The following PYGO1 variants were observed in gnomAD, a reference collection of about 807,000 sequenced individuals.
PYGO1 encodes pygopus homolog 1.
A neutral mutation model predicts 29.5 loss-of-function variants in PYGO1; 6 were observed. The observed-to-expected ratio is 0.20, with a 90% CI of 0.11 to 0.40. PYGO1 has a LOEUF of 0.40. Ranked by LOEUF, PYGO1 falls within the 10% of genes least tolerant of loss-of-function variation. The probability of loss-of-function intolerance (pLI) is 1.00; values close to 1 mark genes in which losing one functional copy is unlikely to be tolerated. For synonymous variants in PYGO1, 186 were observed against 180.5 expected (o/e 1.03, Z -0.24); for missense variants, 515 against 514.9 (o/e 1.00, Z 0.00).
intron 1 of PYGO1, among the ~76,000 whole-genome samples, chr15:55,572,192 C>A (rs1490945550): frequency 6.6e-6 from 1 of 152,106 alleles, no homozygotes; most frequent in Non-Finnish European, 1.5e-5. Flanking sequence ...GTAATACGGG[C>A]ATAAAAACAC....
intron 1 of PYGO1, among the ~76,000 whole-genome samples, chr15:55,562,789 T>C (rs1376304991): frequency 1.1e-4 from 16 of 152,056 alleles, no homozygotes; most frequent in Admixed American, 1.0e-3. Flanking sequence ...ATATACACCA[T>C]GGAATACTAT....
At chr15:55,588,923 C>T, upstream of PYGO1, 1 of 1,390,450 alleles carries the variant, frequency 7.2e-7, no homozygotes, top group Non-Finnish European at 1.0e-6. Context: ...AGAATGCCTC[C>T]ACTTGGTATT....
In PYGO1 at chr15:55,546,559, T is replaced by C. The variant is rs1431479031; in HGVS notation, c.724A>G (p.Thr242Ala). ...TTAGTGTTTTTGGTTGCTCCTTGAG[T>C]AAAGTCTTGTTTTGGGGGTGGTGCT... Reference protein sequence around the residue: ...AKAPPPKQDFTQGATKNTNQN... With the variant: ...AKAPPPKQDFAQGATKNTNQN... Residue 242 changes from threonine to alanine, a missense_variant, in exon 3 of 3, where the codon ACT becomes GCT. Physicochemically the swap from Thr to Ala is moderately conservative, Grantham distance 58 (BLOSUM62 0). Coordinates refer to ENST00000563719, the MANE Select transcript of PYGO1 (RefSeq NM_001367806.1). 6.2e-7 allele frequency: 1 copy of C among 1,614,106 alleles called. No homozygotes were observed. The highest frequency in any genetic ancestry group is 8.5e-7 in the Non-Finnish European group (1 of 1,180,014).
At chr15:55,555,870 G>C (rs1355991088) in intron 1 of PYGO1, among the ~76,000 whole-genome samples, 1 of 151,750 alleles carries the variant, frequency 6.6e-6, no homozygotes, top group Non-Finnish European at 1.5e-5. Flanking sequence ...AAAAAGCAGG[G>C]GTTGCAATAC....
chr15:55,565,431 C>T (rs1200811643), intron 1 of PYGO1, among the ~76,000 whole-genome samples: 3 of 151,898 alleles, frequency 2.0e-5, no homozygotes, highest in African/African-American at 2.4e-5. Flanking sequence ...TGGCCAAGCG[C>T]GGTGGCTCAT....
chr15:55,581,916 T>C (rs1204288279), intron 1 of PYGO1, among the ~76,000 whole-genome samples: 1 of 151,942 alleles, frequency 6.6e-6, no homozygotes, highest in African/African-American at 2.4e-5. Context: ...GTTCAAAACA[T>C]TAAGGAGAGG....
At chr15:55,557,437 C>T (rs1448952291) in intron 1 of PYGO1, among the ~76,000 whole-genome samples, 1 of 152,176 alleles carries the variant, frequency 6.6e-6, no homozygotes, top group Non-Finnish European at 1.5e-5. Flanking sequence ...GGTACTATTC[C>T]TTCTGAAACT....
At chr15:55,558,137 C>T (rs1261636143) in intron 1 of PYGO1, among the ~76,000 whole-genome samples, 2 of 152,188 alleles carry the variant, frequency 1.3e-5, no homozygotes, top group African/African-American at 2.4e-5. Flanking sequence ...AACAGATAAG[C>T]AACTTCAGCA....
intron 1 of PYGO1, among the ~76,000 whole-genome samples, chr15:55,552,671 A>T (rs907222094): frequency 6.6e-6 from 1 of 152,070 alleles, no homozygotes; most frequent in African/African-American, 2.4e-5. Context: ...AGATCAGGGG[A>T]TCTCCTCGTG....
At chr15:55,587,560 G>A (rs557810536) in intron 1 of PYGO1, among the ~76,000 whole-genome samples, 23 of 152,096 alleles carry the variant, frequency 1.5e-4, no homozygotes, top group Admixed American at 5.9e-4. Flanking sequence ...ACGAGGAGAG[G>A]TGGGTGAGGA....
rs563938412 is a variant in PYGO1 at position 55,541,164 on chromosome 15, T to C, written c.*4859A>G. On this transcript the variant is annotated 3_prime_UTR_variant, in exon 3 of 3. Transcript: ENST00000563719. ...CTCTGATGTATTAACGCCTGGCATA[T>C]ACATGGCCACAGTCTTTCCTTCATT... is the stretch of plus-strand genomic sequence containing the variant. 3 of 152,318 alleles carry C rather than the reference T, an allele frequency of 2.0e-5. No individual in the cohort carries two copies. The highest frequency in any genetic ancestry group is 4.8e-5 in the African/African-American group (2 of 41,574). The allele number at this position is 152,318 out of a possible 1,614,324, so 9.4% of individuals were successfully genotyped here.
intron 1 of PYGO1, among the ~76,000 whole-genome samples, chr15:55,558,442 A>G (rs1488759940): frequency 3.9e-5 from 6 of 152,324 alleles, no homozygotes; most frequent in Admixed American, 1.3e-4. Context: ...TATAGATTCA[A>G]TGCTATCCCC....
rs1243811609 is a variant in PYGO1, at chr15:55,539,428, C to G, written c.*6595G>C. Reference sequence around the variant, plus strand: ...ATTTGTCTGAGAATTGTAACCTGGTCATTAACCAAAAAAAAAAATAAACAA... The same window carrying G: ...ATTTGTCTGAGAATTGTAACCTGGTGATTAACCAAAAAAAAAAATAAACAA... On this transcript the variant is annotated 3_prime_UTR_variant, in exon 3 of 3. Transcript: ENST00000563719. 6.6e-6 allele frequency: 1 copy of G among 150,462 alleles called. No homozygotes were observed. Among genetic ancestry groups the G allele is most frequent in the African/African-American group, 2.4e-5 (1 of 41,044 alleles). The allele number at this position is 150,462 out of a possible 1,614,324, so 9.3% of individuals were successfully genotyped here.
In PYGO1 at chr15:55,546,024, T is replaced by G; in HGVS notation, c.1259A>C (p.Ter420SerextTer23). ...ACCCACTTTAGTTAATGCCTTTGAT[T>G]AAGCATCACTGCCCACTGCAGATGG... Reference protein sequence around the residue: ...FGPSAVGSDA* With the variant: ...FGPSAVGSDAS The change falls in exon 3 of 3, where the codon TAA becomes TCA. Residue 420 changes from the stop codon to serine, a stop_lost. Transcript: ENST00000563719. The G allele has an allele frequency of 1.9e-6, 3 of 1,592,820 alleles. No homozygotes were observed. The highest frequency in any genetic ancestry group is 2.6e-6 in the Non-Finnish European group (3 of 1,166,270).
intron 1 of PYGO1, among the ~76,000 whole-genome samples, chr15:55,575,478 T>C (rs75939614): frequency 0.028 from 4,169 of 149,674 alleles, 200 homozygotes; most frequent in African/African-American, 0.097. Context: ...TAAAGAAGTA[T>C]AAGCAATGCA....
At chr15:55,567,110 T>C (rs1451917748) in intron 1 of PYGO1, among the ~76,000 whole-genome samples, 1 of 151,880 alleles carries the variant, frequency 6.6e-6, no homozygotes, top group Admixed American at 6.6e-5. Context: ...TGCATTTCTC[T>C]GATTAGTGAT....
At position 55,543,735 on chromosome 15, in the gene PYGO1, C is replaced by G. The variant is rs1173003711; in HGVS notation, c.*2288G>C. 1 of 152,162 alleles carries G rather than the reference C, an allele frequency of 6.6e-6. No homozygotes were observed. Among genetic ancestry groups the G allele is most frequent in the African/African-American group, 2.4e-5 (1 of 41,434 alleles). The allele number at this position is 152,162 out of a possible 1,614,324, so 9.4% of individuals were successfully genotyped here. On this transcript the variant is annotated 3_prime_UTR_variant, in exon 3 of 3. Transcript: ENST00000563719. ...CATGTAAAGTGTTAACTCCTGAGAA[C>G]ACTGGAAAGTTCTACTCAAAATATC...
chr15:55,572,942 G>A (rs577139436), intron 1 of PYGO1, among the ~76,000 whole-genome samples: 3 of 151,664 alleles, frequency 2.0e-5, no homozygotes, highest in Non-Finnish European at 2.9e-5. Context: ...GGAGGCCAAG[G>A]TAGGAGGATC....
chr15:55,586,203 T>C (rs547964619), intron 1 of PYGO1, among the ~76,000 whole-genome samples: 74 of 152,340 alleles, frequency 4.9e-4, no homozygotes, highest in Middle Eastern at 3.4e-3. Context: ...CTTACTGATT[T>C]ATAAAGCATT....
Sources: allele counts gnomAD v4.1 joint callset (sites outside exome capture counted in the v4.1 genomes callset), GRCh38; gene constraint gnomAD v4.1.1; transcripts MANE v1.5; gene names NCBI Gene and HGNC (gene_info 2026-07-23, HGNC 2026-07-21).